Variants in TMPRSS3 observed in about 807,000 individuals in gnomAD.
TMPRSS3 encodes transmembrane serine protease 3.
In TMPRSS3, 55 loss-of-function variants were observed where a neutral mutation model predicts 59.6. The observed-to-expected ratio is 0.92, with a 90% confidence interval of 0.74 to 1.16. The LOEUF is 1.16. Among genes scored for constraint, TMPRSS3 ranks in the 50% most tolerant of loss-of-function variants. The probability of loss-of-function intolerance (pLI) is 0.00; values close to 1 mark genes in which losing one functional copy is unlikely to be tolerated. For missense variants in TMPRSS3, 596 were observed against 579.4 expected (o/e 1.03, Z -0.29); for synonymous variants, 257 against 237.7 (o/e 1.08, Z -0.75).
Position 42,395,471 on chromosome 21 carries a change from T to C in TMPRSS3, c.-51-3A>G. 1.4e-6 allele frequency: 2 copies of C among 1,440,262 alleles called. No homozygotes were observed. The highest frequency in any genetic ancestry group is 2.0e-6 in the Non-Finnish European group (2 of 1,023,074). The allele number at this position is 1,440,262 out of a possible 1,614,324, so 89.2% of individuals were successfully genotyped here. ...GGCTCCGCCTCCACCTCTACCTCCT[T>C]AGCCGAGGAAGAACAGAAAGCATTT... On this transcript the variant is annotated splice_polypyrimidine_tract_variant and splice_region_variant and intron_variant, in intron 1 of 12. Transcript: ENST00000644384.
At position 42,388,358 on chromosome 21, in the gene TMPRSS3, CCT is replaced by C. The variant is rs750874419; in HGVS notation, c.446+43_446+44del. 28 of 1,613,938 alleles carry C rather than the reference CCT, an allele frequency of 1.7e-5. No homozygotes were observed. The Admixed American group carries it at 3.0e-4, about 17-fold the overall frequency. ...GGTAGTTGTCTTTCTTTATTGTTATCCTCTCTGTGTTTTGCCCATGGGTTGGA... is the reference window on the plus strand; with the variant it reads ...GGTAGTTGTCTTTCTTTATTGTTATCCTCTGTGTTTTGCCCATGGGTTGGA... On this transcript the variant is annotated intron_variant, in intron 5 of 12. Coordinates refer to ENST00000644384, the MANE Select transcript of TMPRSS3 (RefSeq NM_001256317.3). The surrounding 1 kb of genome is among the most constrained non-coding windows in gnomAD (Gnocchi z 5.1).
chr21:42,372,125 G>A lies in TMPRSS3; in HGVS notation c.*637C>T, dbSNP rs1448372285. On this transcript the variant is annotated 3_prime_UTR_variant, in exon 13 of 13. Coordinates refer to ENST00000644384, the MANE Select transcript of TMPRSS3 (RefSeq NM_001256317.3). ...GCTGGTGCGTCTTTTCTGAGTGGCT[G>A]TTGGTGGCTTTGCACGTGAGGTCAC... is the stretch of plus-strand genomic sequence containing the variant. 4 of 454,170 alleles carry A rather than the reference G, an allele frequency of 8.8e-6. No homozygotes were observed. The highest frequency in any genetic ancestry group is 3.1e-5 in the South Asian group (2 of 64,484). The allele number at this position is 454,170 out of a possible 1,614,324, so 28.1% of individuals were successfully genotyped here. A position where few individuals can be genotyped will look rare whatever the true frequency, so the allele number is the denominator to read the frequency against.
At chr21:42,380,297 A>T in intron 9 of TMPRSS3, 85 bp from the exon 10 acceptor site, 1 of 1,096,258 alleles carries the variant, frequency 9.1e-7, no homozygotes, top group Non-Finnish European at 1.4e-6. Context: ...GCCTCTGAGG[A>T]GCCCAAACTA....
chr21:42,393,876 A>G (rs937977168), intron 2 of TMPRSS3, among the ~76,000 whole-genome samples: 1 of 152,236 alleles, frequency 6.6e-6, no homozygotes, highest in Non-Finnish European at 1.5e-5. Flanking sequence ...GTTTGTCAAC[A>G]TCTAGAAAAT....
Position 42,385,478 on chromosome 21 carries a change from T to C in TMPRSS3, c.503A>G (p.Glu168Gly), listed in dbSNP as rs2052618725. 2 of 1,613,966 alleles carry C rather than the reference T, an allele frequency of 1.2e-6. No individual in the cohort carries two copies. ...VSSLEGQFRE[E>G]FVSIDHLLPD... is the part of the protein sequence containing the mutation. ...CAAGAGGTGATCGATGGACACAAAC[T>C]CCTCCCGGAACTGCCCCTCCAGCGA... Residue 168 changes from glutamate (E) to glycine (G), a missense_variant, in exon 6 of 13, where the codon GAG becomes GGG. Glu to Gly is a moderately conservative substitution (Grantham distance 98). Coordinates refer to ENST00000644384, the MANE Select transcript of TMPRSS3 (RefSeq NM_001256317.3).
chr21:42,394,686 C>T (rs1601537567), intron 2 of TMPRSS3, among the ~76,000 whole-genome samples: 2 of 152,272 alleles, frequency 1.3e-5, no homozygotes, highest in Admixed American at 1.3e-4. Context: ...TCCTGTGGTT[C>T]CTCCCTAGCA....
chr21:42,389,863 C>T, intron 3 of TMPRSS3, 64 bp downstream of exon 3: 1 of 1,232,324 alleles, frequency 8.1e-7, no homozygotes, highest in South Asian at 1.2e-5. Flanking sequence ...AGAGGGGGCG[C>T]TCATGAAAGT....
chr21:42,395,852 G>T, intron 1 of TMPRSS3, 90 bp downstream of exon 1: 3 of 446,028 alleles, frequency 6.7e-6, no homozygotes, highest in Admixed American at 2.5e-5. Context: ...TTGCTTTTTT[G>T]CGATTGTTTT....
chr21:42,395,241 C>T, intron 2 of TMPRSS3, 83 bp downstream of exon 2: 1 of 1,178,690 alleles, frequency 8.5e-7, no homozygotes, highest in Non-Finnish European at 1.3e-6. Context: ...GAGATATTTC[C>T]CCCACAGGGA....
chr21:42,381,231 G>T (rs1355489896), intron 9 of TMPRSS3, among the ~76,000 whole-genome samples: 2 of 152,200 alleles, frequency 1.3e-5, no homozygotes, highest in Non-Finnish European at 2.9e-5. Context: ...GTTTTATCAG[G>T]TGTGGCTCTT....
intron 3 of TMPRSS3, chr21:42,389,260 G>A (rs2052693643): frequency 2.2e-6 from 2 of 897,174 alleles, no homozygotes; most frequent in Non-Finnish European, 3.4e-6. Flanking sequence ...TCGCTATGTG[G>A]CCTGGCCCAG....
At chr21:42,383,249 G>T in intron 7 of TMPRSS3, 51 bp from the exon 8 acceptor site, 1 of 1,593,178 alleles carries the variant, frequency 6.3e-7, no homozygotes, top group Non-Finnish European at 8.6e-7. Context: ...CTTCTTTGGG[G>T]GACATGGTGT....
intron 2 of TMPRSS3, among the ~76,000 whole-genome samples, chr21:42,394,395 T>C (rs1323845925): frequency 6.6e-6 from 1 of 152,242 alleles, no homozygotes; most frequent in Admixed American, 6.5e-5. Context: ...ATATCTGTAC[T>C]GTGCATGAAA....
In TMPRSS3 at chr21:42,378,383, A is replaced by G. The variant is rs111305795; in HGVS notation, c.1049-1700T>C. Among the ~76,000 whole-genome samples the G allele has an allele frequency of 7.7e-3, 1,170 of 152,330 alleles. 19 individuals are homozygous for G. Among genetic ancestry groups the G allele is most frequent in the African/African-American group, 0.027 (1,112 of 41,572 alleles). The stretch of plus-strand genomic sequence containing the variant: ...CTCCAAAATATGCCTACCTGCCACT[A>G]TGGAGCCCAACCTTATTTGGAACAG... On this transcript the variant is annotated intron_variant, in intron 10 of 12. Transcript: ENST00000644384.
chr21:42,373,403 A>T lies in TMPRSS3; in HGVS notation c.1345-624T>A, dbSNP rs553767459. 9.2e-5 allele frequency among the ~76,000 whole-genome samples: 14 copies of T among 152,282 alleles called. No individual in the cohort carries two copies. In the South Asian group the frequency reaches 2.9e-3, roughly 32 times the overall value. ...CGGATGACTAAGGCGTTGTGCAGGG[A>T]GCAGGGGCCCCAGGCATCGCCGGAG... On this transcript the variant is annotated intron_variant, in intron 12 of 12. Coordinates refer to ENST00000644384, the MANE Select transcript of TMPRSS3 (RefSeq NM_001256317.3).
At chr21:42,376,714 G>T (rs2052436432) in intron 10 of TMPRSS3, 31 bp from the exon 11 acceptor site, 2 of 1,613,464 alleles carry the variant, frequency 1.2e-6, no homozygotes, top group African/African-American at 2.7e-5. Flanking sequence ...GGATGTGTGT[G>T]AGAAGGAAGC....
chr21:42,394,211 G>A (rs1036952766), intron 2 of TMPRSS3, among the ~76,000 whole-genome samples: 48 of 151,554 alleles, frequency 3.2e-4, no homozygotes, highest in African/African-American at 1.1e-3. Flanking sequence ...ATAAGAGAAA[G>A]GAATATTATA....
At chr21:42,390,225 C>T (rs2052713398) in intron 2 of TMPRSS3, 188 bp from the exon 3 acceptor site, 1 of 618,502 alleles carries the variant, frequency 1.6e-6, no homozygotes, top group Non-Finnish European at 2.9e-6. Context: ...CCTACCTGCT[C>T]CACCTCTGAC....
intron 12 of TMPRSS3, among the ~76,000 whole-genome samples, chr21:42,374,410 C>T (rs2052386127): frequency 6.6e-6 from 1 of 152,262 alleles, no homozygotes. Context: ...TCTTTAGTTT[C>T]TCATTTAAAG....
Sources: allele counts gnomAD v4.1 joint callset (sites outside exome capture counted in the v4.1 genomes callset), GRCh38; gene constraint gnomAD v4.1.1; non-coding constraint Gnocchi (gnomAD v3.1); transcripts MANE v1.5; gene names NCBI Gene and HGNC (gene_info 2026-07-23, HGNC 2026-07-21).